Variants in GALNT13 observed in about 807,000 individuals in gnomAD.
GALNT13 encodes UDP-GalNAc:polypeptide N-acetylgalactosaminyltransferase 13.
Under a neutral mutation model 64.2 loss-of-function variants are expected in GALNT13, and 28 were observed. The ratio of observed to expected loss-of-function variants is 0.44; its 90% confidence interval spans 0.32 to 0.60. GALNT13 has a LOEUF of 0.60. Ranked by LOEUF, GALNT13 falls within the 20% of genes least tolerant of loss-of-function variation. The probability of loss-of-function intolerance (pLI) is 0.05; values close to 1 mark genes in which losing one functional copy is unlikely to be tolerated. For synonymous variants in GALNT13, 214 were observed against 224.6 expected, an observed-to-expected ratio of 0.95 and a Z score of 0.42; for missense variants, 577 against 669.8, an observed-to-expected ratio of 0.86 and a Z score of 1.53.
At chr2:153,337,061 G>A in the GALNT13 span, among the ~76,000 whole-genome samples, 6 of 152,168 alleles carry the variant, frequency 3.9e-5, no homozygotes, top group African/African-American at 9.7e-5. Context: ...ATGTGGAACT[G>A]TAAGTGCAAT....
At chr2:154,337,408 AAGAC>A (rs1480352131) in intron 9 of GALNT13, among the ~76,000 whole-genome samples, 32 of 152,226 alleles carry the variant, frequency 2.1e-4, no homozygotes, top group African/African-American at 6.7e-4. Flanking sequence ...ATTTTTTAAA[AAGAC>A]AGAAAACTCT....
At chr2:153,627,635 A>G in the GALNT13 span, among the ~76,000 whole-genome samples, 1 of 152,096 alleles carries the variant, frequency 6.6e-6, no homozygotes, top group Non-Finnish European at 1.5e-5. Flanking sequence ...GTAATGGCAA[A>G]ACCCACAATT....
At chr2:154,403,347 T>C (rs766242110) in intron 10 of GALNT13, among the ~76,000 whole-genome samples, 2 of 151,956 alleles carry the variant, frequency 1.3e-5, no homozygotes, top group South Asian at 2.1e-4. Context: ...TCCCAGCTAA[T>C]TGGGAGACTG....
the GALNT13 span, among the ~76,000 whole-genome samples, chr2:153,476,455 T>C: frequency 6.6e-6 from 1 of 152,352 alleles, no homozygotes; most frequent in South Asian, 2.1e-4. Flanking sequence ...AATAAACTGC[T>C]CAAAACCTTT....
intron 8 of GALNT13, among the ~76,000 whole-genome samples, chr2:154,269,926 T>TTTATATATATGTGTATATATATATATATA (rs1553506260): frequency 1.5e-4 from 5 of 33,344 alleles, no homozygotes; most frequent in East Asian, 1.5e-3. Context: ...ATATATATAT[T>TTTATATATATGTGTATATATATATATATA]TCTAAAGCAC....
chr2:153,888,382 T>A (rs1388030511), intron 1 of GALNT13, among the ~76,000 whole-genome samples: 1 of 152,018 alleles, frequency 6.6e-6, no homozygotes, highest in African/African-American at 2.4e-5. Context: ...TTTTGTGAGC[T>A]TATTATATGA....
the GALNT13 span, among the ~76,000 whole-genome samples, chr2:153,576,719 G>A: frequency 2.6e-5 from 4 of 152,012 alleles, no homozygotes; most frequent in African/African-American, 9.7e-5. Context: ...GTACTAAGAG[G>A]GCTCCCCTGA....
chr2:154,217,957 A>G (rs1688134455), intron 4 of GALNT13, among the ~76,000 whole-genome samples: 2 of 152,152 alleles, frequency 1.3e-5, no homozygotes, highest in Admixed American at 1.3e-4. Context: ...GGAGGCTTAA[A>G]TGACAGGAAA....
At chr2:153,132,270 A>G in the GALNT13 span, among the ~76,000 whole-genome samples, 1 of 152,182 alleles carries the variant, frequency 6.6e-6, no homozygotes, top group Non-Finnish European at 1.5e-5. Flanking sequence ...CACAAAGAGC[A>G]AGAGAAAAAC....
intron 9 of GALNT13, among the ~76,000 whole-genome samples, chr2:154,343,443 C>T (rs1196382865): frequency 6.6e-6 from 1 of 151,964 alleles, no homozygotes; most frequent in Non-Finnish European, 1.5e-5. Context: ...CAAGCAACTT[C>T]ATTATGCAAG....
the GALNT13 span, among the ~76,000 whole-genome samples, chr2:153,423,076 T>C: frequency 8.6e-5 from 13 of 152,010 alleles, no homozygotes; most frequent in African/African-American, 2.6e-4. Flanking sequence ...AAATTTCAGA[T>C]CATTATCTTT....
chr2:153,893,273 G>A (rs1024319716), intron 1 of GALNT13, among the ~76,000 whole-genome samples: 7 of 151,990 alleles, frequency 4.6e-5, no homozygotes, highest in African/African-American at 1.4e-4. Flanking sequence ...TCTTACTTAT[G>A]TTGCAACTTT....
the GALNT13 span, among the ~76,000 whole-genome samples, chr2:153,377,949 G>C: frequency 2.0e-5 from 3 of 152,124 alleles, no homozygotes; most frequent in African/African-American, 7.2e-5. Context: ...AGATTGGACT[G>C]TATTCTTTCA....
rs192945688 is a variant in GALNT13 at position 154,079,931 on chromosome 2, G to T, written c.143-60406G>T. ...AATTTACATTACATTTTATTCTTTTGTTTATTTTTTATATAGTTCTTGGGA... is the reference window on the plus strand; with the variant it reads ...AATTTACATTACATTTTATTCTTTTTTTTATTTTTTATATAGTTCTTGGGA... On this transcript the variant is annotated intron_variant, in intron 3 of 12. Coordinates refer to ENST00000392825, the MANE Select transcript of GALNT13 (RefSeq NM_052917.4). 3.8e-3 allele frequency among the ~76,000 whole-genome samples: 575 copies of T among 151,512 alleles called. 3 individuals carry two copies. The highest frequency in any genetic ancestry group is 0.013 in the African/African-American group (539 of 41,420).
At chr2:153,314,681 T>C in the GALNT13 span, among the ~76,000 whole-genome samples, 2 of 151,420 alleles carry the variant, frequency 1.3e-5, no homozygotes, top group Admixed American at 6.6e-5. Flanking sequence ...TCTTAACAAA[T>C]GGGAAAAGAA....
At chr2:153,304,950 G>A in the GALNT13 span, among the ~76,000 whole-genome samples, 197 of 152,278 alleles carry the variant, frequency 1.3e-3, 6 homozygotes, top group East Asian at 0.036. Flanking sequence ...GGGTTAAGGG[G>A]TGGGTATAGG....
At chr2:154,195,872 T>G (rs2105767108) in intron 4 of GALNT13, among the ~76,000 whole-genome samples, 1 of 152,268 alleles carries the variant, frequency 6.6e-6, no homozygotes, top group East Asian at 1.9e-4. Flanking sequence ...CAACCCCTGC[T>G]CATGGTACCA....
the GALNT13 span, among the ~76,000 whole-genome samples, chr2:153,474,302 G>C: frequency 6.6e-6 from 1 of 152,158 alleles, no homozygotes; most frequent in African/African-American, 2.4e-5. Context: ...AGGCCATTCA[G>C]CTGCTTAGTG....
At chr2:153,085,248 G>A in the GALNT13 span, among the ~76,000 whole-genome samples, 2 of 152,186 alleles carry the variant, frequency 1.3e-5, no homozygotes, top group South Asian at 4.1e-4. Flanking sequence ...GCCTGACAAT[G>A]AGCGAGAAAA....
Sources: allele counts gnomAD v4.1 joint callset (sites outside exome capture counted in the v4.1 genomes callset), GRCh38; gene constraint gnomAD v4.1.1; transcripts MANE v1.5; gene names NCBI Gene and HGNC (gene_info 2026-07-23, HGNC 2026-07-21).